Variants in ADCY9 observed in about 807,000 individuals in gnomAD.
ADCY9 encodes the protein adenylate cyclase 9.
ADCY9 carries 50 observed loss-of-function variants against 101.5 expected under a neutral mutation model. The ratio of observed to expected loss-of-function variants is 0.49; its 90% CI spans 0.39 to 0.62. The LOEUF (loss-of-function observed/expected upper bound fraction) is 0.62. ADCY9 is among the 20% of genes least tolerant of loss of function. ADCY9 has a pLI of 0.00. For synonymous variants in ADCY9, 905 were observed against 769.3 expected (o/e 1.18, Z -2.92); for missense variants, 1,662 against 1,800.4 (o/e 0.92, Z 1.39).
Position 3,966,162 on chromosome 16 carries a change from G to T in ADCY9, c.3675C>A (p.Tyr1225Ter). Residue 1225 changes from tyrosine to a stop codon, truncating the protein, a stop_gained, in exon 11 of 11, where the codon TAC (tyrosine) becomes TAA (stop). Coordinates refer to ENST00000294016, the MANE Select transcript of ADCY9 (RefSeq NM_001116.4). LOFTEE classifies it high-confidence loss of function. ...TCCCCTTGACATTCACGGTCCCTCT[G>T]TAGTCGAAGTCATAGCCCATCTTGC... ...VLSKMGYDFD[Y>*]RGTVNVKGKG... The T allele has an allele frequency of 6.2e-7, 1 of 1,614,212 alleles. No individual in the cohort carries two copies. Among genetic ancestry groups the T allele is most frequent in the Non-Finnish European group, 8.5e-7 (1 of 1,180,048 alleles).
chr16:4,060,187 A>G (rs2056766306), intron 2 of ADCY9, among the ~76,000 whole-genome samples: 1 of 152,252 alleles, frequency 6.6e-6, no homozygotes, highest in African/African-American at 2.4e-5. Context: ...CTGAGCCTGC[A>G]ATGCCGGTTG....
intron 8 of ADCY9, 66 bp from the exon 9 acceptor site, chr16:3,977,696 G>A (rs974060738): frequency 9.8e-6 from 15 of 1,537,364 alleles, no homozygotes; most frequent in Admixed American, 4.1e-5. Flanking sequence ...ATACCCGGCC[G>A]CCAAAACATT....
At position 3,988,997 on chromosome 16, in the gene ADCY9, T is replaced by G. The variant is rs2056221415; in HGVS notation, c.2307A>C (p.Glu769Asp). Reference sequence around the variant, plus strand: ...GCGCAAGGAGAAATGAACGCACCTCTTCCTGATAGCTGGTCCTGTAGGATC... The same window carrying G: ...GCGCAAGGAGAAATGAACGCACCTCGTCCTGATAGCTGGTCCTGTAGGATC... The part of the protein sequence containing the change: ...LERSYRTSYQ[E>D]EVIKNSPVKT... Residue 769 changes from glutamate (E) to aspartate (D), a missense_variant, in exon 6 of 11, where the codon GAA becomes GAC. Glu to Asp is a conservative substitution (Grantham distance 45, BLOSUM62 2). Around this residue, in one of 5 missense-constraint regions of ADCY9, gnomAD observed 624 missense variants for 639.1 expected, o/e 0.98. Coordinates refer to ENST00000294016, the MANE Select transcript of ADCY9 (RefSeq NM_001116.4). 1 of 1,611,680 alleles carries G rather than the reference T, an allele frequency of 6.2e-7. No homozygotes were observed. The highest frequency in any genetic ancestry group is 1.1e-5 in the South Asian group (1 of 91,032).
chr16:4,105,665 G>A (rs1213282086), intron 2 of ADCY9, among the ~76,000 whole-genome samples: 1 of 136,148 alleles, frequency 7.3e-6, no homozygotes. Context: ...GGGCAAGAGT[G>A]AGACTCCGTC....
chr16:4,090,676 T>C (rs1419067851), intron 2 of ADCY9, among the ~76,000 whole-genome samples: 1 of 151,946 alleles, frequency 6.6e-6, no homozygotes, highest in African/African-American at 2.4e-5. Flanking sequence ...TGTGGATTCA[T>C]TTGAACAAGG....
At chr16:4,112,669 C>T (rs906770110) in intron 2 of ADCY9, among the ~76,000 whole-genome samples, 10 of 152,004 alleles carry the variant, frequency 6.6e-5, no homozygotes, top group African/African-American at 2.4e-4. Flanking sequence ...TTTAAGTATG[C>T]AGTGTGTGGG....
Position 4,115,583 on chromosome 16 carries a change from G to A in ADCY9, c.-43-98C>T. 9.6e-7 allele frequency: 1 copy of A among 1,040,344 alleles called. No individual in the cohort carries two copies. The highest frequency in any genetic ancestry group is 1.4e-6 in the Non-Finnish European group (1 of 740,276). The allele number at this position is 1,040,344 out of a possible 1,614,324, so 64.4% of individuals were successfully genotyped here. ...CTGTCCTAAGGGGCGGCTCCAGCAC[G>A]CGACCTGGACAGGCACCATCTGTTC... On this transcript the variant is annotated intron_variant, in intron 1 of 10. Transcript: ENST00000294016. This position sits in a 1 kb window ranked among gnomAD's most constrained non-coding sequence, Gnocchi z 6.2.
intron 2 of ADCY9, among the ~76,000 whole-genome samples, chr16:4,062,535 G>A (rs2141161654): frequency 6.6e-6 from 1 of 152,294 alleles, no homozygotes; most frequent in African/African-American, 2.4e-5. Context: ...AAAACCATAA[G>A]AAAGTTGCAG....
intron 2 of ADCY9, among the ~76,000 whole-genome samples, chr16:4,025,060 G>A (rs1320490742): frequency 3.3e-5 from 5 of 151,948 alleles, no homozygotes; most frequent in Non-Finnish European, 7.4e-5. Flanking sequence ...CTCTGAGGAG[G>A]GACAAAGGGG....
chr16:3,975,482 C>T (rs1184791129), intron 9 of ADCY9, among the ~76,000 whole-genome samples: 5 of 152,272 alleles, frequency 3.3e-5, no homozygotes, highest in South Asian at 2.1e-4. Flanking sequence ...AAAGACACCC[C>T]GTGCCTACTC....
chr16:4,000,265 G>A (rs1460999066), intron 3 of ADCY9, among the ~76,000 whole-genome samples: 1 of 152,196 alleles, frequency 6.6e-6, no homozygotes, highest in Non-Finnish European at 1.5e-5. Context: ...TTTTACAGAT[G>A]AGGACACTGA....
chr16:4,073,869 G>T (rs1285443977), intron 2 of ADCY9, among the ~76,000 whole-genome samples: 1 of 152,154 alleles, frequency 6.6e-6, no homozygotes, highest in East Asian at 1.9e-4. Context: ...TCCTGAAGTG[G>T]CCTAAAAAGA....
At chr16:4,043,824 T>C (rs2056644060) in intron 2 of ADCY9, among the ~76,000 whole-genome samples, 1 of 152,090 alleles carries the variant, frequency 6.6e-6, no homozygotes, top group African/African-American at 2.4e-5. Context: ...GGTAAAACAG[T>C]CTGCCAAAAT....
chr16:4,107,882 G>A (rs1227644142), intron 2 of ADCY9, among the ~76,000 whole-genome samples: 1 of 152,224 alleles, frequency 6.6e-6, no homozygotes, highest in African/African-American at 2.4e-5. Context: ...CCACCAGACA[G>A]GGTCTACATA....
chr16:4,033,933 A>G (rs902478376), intron 2 of ADCY9, among the ~76,000 whole-genome samples: 2 of 152,196 alleles, frequency 1.3e-5, no homozygotes, highest in African/African-American at 4.8e-5. Context: ...ACATATTAGC[A>G]CCGATGCTGG....
intron 2 of ADCY9, among the ~76,000 whole-genome samples, chr16:4,085,455 T>A (rs560987442): frequency 8.1e-4 from 124 of 152,202 alleles, no homozygotes; most frequent in Non-Finnish European, 1.4e-3. Flanking sequence ...TAAATGTGTG[T>A]TAAATGAATG....
Position 4,108,745 on chromosome 16 carries a change from G to A in ADCY9, c.1693+5005C>T, listed in dbSNP as rs112751331. 5.1e-3 allele frequency among the ~76,000 whole-genome samples: 669 copies of A among 130,532 alleles called. 5 individuals carry two copies. The highest frequency in any genetic ancestry group is 0.018 in the African/African-American group (636 of 34,856). 85.6% of individuals were successfully genotyped at this position (130,532 alleles called of 152,430 possible). On this transcript the variant is annotated intron_variant, in intron 2 of 10. Coordinates refer to ENST00000294016, the MANE Select transcript of ADCY9 (RefSeq NM_001116.4). The stretch of plus-strand genomic sequence containing the variant: ...TTTGAGACAGGGTCTCATTCTTGTC[G>A]CCCAGGCTGGAGTGCAATGGTGCAA...
At position 3,977,616 on chromosome 16, in the gene ADCY9, T is replaced by C. The variant is rs774265293; in HGVS notation, c.2694A>G (p.Thr898=). ...YETNIHFPVF[T]GSAALIAVVH... is the part of the protein sequence containing the mutation. ...CGACGGCAATCAGCGCGGCCGAGCCTGTGAACACTGGGAACTGCAAGAGGC... is the reference window on the plus strand; with the variant it reads ...CGACGGCAATCAGCGCGGCCGAGCCCGTGAACACTGGGAACTGCAAGAGGC... The change falls in exon 9 of 11, where the codon ACA becomes ACG. Residue 898 remains threonine, a synonymous_variant. Transcript: ENST00000294016. The C allele has an allele frequency of 3.7e-6, 6 of 1,612,888 alleles. No individual in the cohort carries two copies. In the African/African-American group the frequency reaches 8.0e-5, roughly 22 times the overall value.
intron 2 of ADCY9, among the ~76,000 whole-genome samples, chr16:4,057,671 T>A (rs1381018090): frequency 5.3e-5 from 8 of 152,186 alleles, no homozygotes; most frequent in Admixed American, 3.3e-4. Flanking sequence ...CTCTCCTCTG[T>A]CTGAAACATT....
Sources: allele counts gnomAD v4.1 joint callset (sites outside exome capture counted in the v4.1 genomes callset), GRCh38; gene constraint gnomAD v4.1.1; regional missense constraint gnomAD v4.1.1; non-coding constraint Gnocchi (gnomAD v3.1); transcripts MANE v1.5; gene names NCBI Gene and HGNC (gene_info 2026-07-23, HGNC 2026-07-21).